The following AP2A2 variants were observed in gnomAD, a reference collection of about 807,000 sequenced individuals.
AP2A2 encodes adaptor related protein complex 2 subunit alpha 2.
A neutral mutation model predicts 104.2 loss-of-function variants in AP2A2; 32 were observed. That is an observed-to-expected ratio of 0.31 (90% CI 0.23 to 0.41). AP2A2 has a LOEUF of 0.41. Ranked by LOEUF, AP2A2 falls within the 10% of genes least tolerant of loss-of-function variation. The probability of loss-of-function intolerance (pLI) is 1.00; values close to 1 mark genes in which losing one functional copy is unlikely to be tolerated. For missense variants in AP2A2, 912 were observed against 1,261.0 expected (o/e 0.72, Z 4.19); for synonymous variants, 539 against 533.3 (o/e 1.01, Z -0.15).
intron 10 of AP2A2, among the ~76,000 whole-genome samples, chr11:989,614 G>A (rs1855580142): frequency 6.6e-6 from 1 of 152,222 alleles, no homozygotes; most frequent in African/African-American, 2.4e-5. Flanking sequence ...TATTCACAAA[G>A]TAGGTGTGCA....
intron 3 of AP2A2, among the ~76,000 whole-genome samples, chr11:971,329 GC>G (rs1854820204): frequency 6.6e-6 from 1 of 152,230 alleles, no homozygotes; most frequent in Admixed American, 6.5e-5. Context: ...AGCAGGGAGA[GC>G]AGAGCAGGTG....
chr11:998,246 G>C (rs1855918666), intron 14 of AP2A2, among the ~76,000 whole-genome samples: 1 of 152,184 alleles, frequency 6.6e-6, no homozygotes, highest in African/African-American at 2.4e-5. Flanking sequence ...TTCTCTTGCA[G>C]AGGTGCTCCG....
chr11:925,913 T>A lies in AP2A2; in HGVS notation c.-109T>A. On this transcript the variant is annotated 5_prime_UTR_variant, in exon 1 of 22. Coordinates refer to ENST00000448903, the MANE Select transcript of AP2A2 (RefSeq NM_012305.4). ...CCTGAGGCGGCCGTGGTTAGGCGGC[T>A]CCCCGGCGGCTCCTCCGCGGCGGTG... 1.2e-6 allele frequency: 1 copy of A among 828,880 alleles called. No homozygotes were observed. The highest frequency in any genetic ancestry group is 1.7e-6 in the Non-Finnish European group (1 of 603,912). The allele number at this position is 828,880 out of a possible 1,614,324, so 51.3% of individuals were successfully genotyped here.
intron 5 of AP2A2, among the ~76,000 whole-genome samples, chr11:979,143 G>A (rs897210151): frequency 1.3e-5 from 2 of 151,370 alleles, no homozygotes; most frequent in African/African-American, 4.9e-5. Context: ...TGTGCCCCTC[G>A]AGAGGCCTCT....
chr11:992,880 C>G lies in AP2A2; in HGVS notation c.1452+195C>G, dbSNP rs558969762. 6.6e-6 allele frequency among the ~76,000 whole-genome samples: 1 copy of G among 152,186 alleles called. No homozygotes were observed. Among genetic ancestry groups the G allele is most frequent in the Non-Finnish European group, 1.5e-5 (1 of 68,032 alleles). Reference sequence around the variant, plus strand: ...GAGTCCCAGTTTCTTCTCACCCTAACTCTCAAACTTCTGGCTCTCTGGGGG... The same window carrying G: ...GAGTCCCAGTTTCTTCTCACCCTAAGTCTCAAACTTCTGGCTCTCTGGGGG... On this transcript the variant is annotated intron_variant, in intron 11 of 21. Coordinates refer to ENST00000448903, the MANE Select transcript of AP2A2 (RefSeq NM_012305.4). This position sits in a 1 kb window ranked among gnomAD's most constrained non-coding sequence, Gnocchi z 6.4.
intron 14 of AP2A2, among the ~76,000 whole-genome samples, chr11:997,742 T>C (rs1228432044): frequency 6.6e-6 from 1 of 152,008 alleles, no homozygotes; most frequent in African/African-American, 2.4e-5. Flanking sequence ...CCGTCTCTTC[T>C]AAAAATACAA....
chr11:972,295 G>C (rs199809338), intron 4 of AP2A2, 40 bp downstream of exon 4: 1 of 1,518,772 alleles, frequency 6.6e-7, no homozygotes. Flanking sequence ...CTGAAGATGT[G>C]CTGCTTTCAT....
chr11:962,606 GC>G (rs1175543300), intron 2 of AP2A2, among the ~76,000 whole-genome samples: 12 of 152,058 alleles, frequency 7.9e-5, no homozygotes, highest in Non-Finnish European at 1.6e-4. Flanking sequence ...GGAGGCGCGT[GC>G]CTATAGTCCC....
At chr11:961,593 T>G (rs1279572124) in intron 2 of AP2A2, among the ~76,000 whole-genome samples, 1 of 105,370 alleles carries the variant, frequency 9.5e-6, no homozygotes, top group Non-Finnish European at 1.9e-5. Context: ...CAGTGAAAAG[T>G]AAAGGGCAGA....
intron 1 of AP2A2, among the ~76,000 whole-genome samples, chr11:926,345 C>T (rs1168492587): frequency 9.8e-5 from 3 of 30,764 alleles, no homozygotes; most frequent in Non-Finnish European, 1.8e-4. Flanking sequence ...TATGGGGGTG[C>T]GGGTCAGGAT....
chr11:961,629 GAGT>G (rs1229871712), intron 2 of AP2A2, among the ~76,000 whole-genome samples: 6 of 96,828 alleles, frequency 6.2e-5, no homozygotes, highest in African/African-American at 7.3e-5. Context: ...GGGTCTGACA[GAGT>G]TGCCACCAGT....
In AP2A2 at chr11:925,948, G is replaced by T. The variant is rs1853103503; in HGVS notation, c.-74G>T. On this transcript the variant is annotated 5_prime_UTR_variant, in exon 1 of 22. Coordinates refer to ENST00000448903, the MANE Select transcript of AP2A2 (RefSeq NM_012305.4). Reference sequence around the variant, plus strand: ...CTCCTCCGCGGCGGTGACGGCGACCGCACTCCCCGCTTCCCGCTCCCCGCG... The same window carrying T: ...CTCCTCCGCGGCGGTGACGGCGACCTCACTCCCCGCTTCCCGCTCCCCGCG... The T allele has an allele frequency of 8.5e-6, 10 of 1,178,932 alleles. No individual in the cohort carries two copies. Among genetic ancestry groups the T allele is most frequent in the Non-Finnish European group, 1.1e-6 (1 of 897,022 alleles). The allele number at this position is 1,178,932 out of a possible 1,614,324, so 73.0% of individuals were successfully genotyped here. A position where few individuals can be genotyped will look rare whatever the true frequency, so the allele number is the denominator to read the frequency against.
Position 1,009,761 on chromosome 11 carries a change from A to G in AP2A2, c.2686A>G (p.Thr896Ala), listed in dbSNP as rs1856358571. 1 of 1,552,146 alleles carries G rather than the reference A, an allele frequency of 6.4e-7. No homozygotes were observed. Among genetic ancestry groups the G allele is most frequent in the Non-Finnish European group, 8.7e-7 (1 of 1,147,196 alleles). The change falls in exon 21 of 22, where the codon ACG becomes GCG. Residue 896 changes from threonine (T) to alanine (A), a missense_variant. This residue lies in a region of AP2A2 where 239 missense variants were observed against 329.8 expected (regional missense o/e 0.72). Coordinates refer to ENST00000448903, the MANE Select transcript of AP2A2 (RefSeq NM_012305.4). ...TTTCGTGGGAGCTGGAATCATCCAC[A>G]CGAAAACCACCCAGATTGGATGCCT... ...ANFVGAGIIH[T>A]KTTQIGCLLR...
At chr11:1,010,468 G>C in intron 21 of AP2A2, 80 bp from the exon 22 acceptor site, 1 of 1,194,524 alleles carries the variant, frequency 8.4e-7, no homozygotes, top group East Asian at 2.6e-5. Context: ...TGGCCCACAG[G>C]GTTCTGCATG....
rs1205276568 is a variant in AP2A2, at chr11:968,715, C to T, written c.137-1454C>T. Among the ~76,000 whole-genome samples, 1 of 151,600 alleles carries T rather than the reference C, an allele frequency of 6.6e-6. No homozygotes were observed. Among genetic ancestry groups the T allele is most frequent in the African/African-American group, 2.4e-5 (1 of 41,196 alleles). ...CCCGTGCTCAGCTGTGTGTGCCCTC[C>T]TGCACAAACAGGGCACGGAGAACGT... On this transcript the variant is annotated intron_variant, in intron 2 of 21. Coordinates refer to ENST00000448903, the MANE Select transcript of AP2A2 (RefSeq NM_012305.4). The surrounding 1 kb of genome is among the most constrained non-coding windows in gnomAD (Gnocchi z 4.2).
chr11:963,090 T>G (rs944518494), intron 2 of AP2A2, among the ~76,000 whole-genome samples: 4 of 152,138 alleles, frequency 2.6e-5, no homozygotes, highest in Non-Finnish European at 4.4e-5. Context: ...TAATAATATA[T>G]TTTATTTAGT....
rs1190223853 is a variant in AP2A2 at position 993,713 on chromosome 11, G to A, written c.1551-41G>A. 6.7e-7 allele frequency: 1 copy of A among 1,492,522 alleles called. No homozygotes were observed. Among genetic ancestry groups the A allele is most frequent in the Non-Finnish European group, 9.1e-7 (1 of 1,103,192 alleles). 92.5% of individuals were successfully genotyped at this position (1,492,522 alleles called of 1,614,324 possible). On this transcript the variant is annotated intron_variant, in intron 12 of 21. Transcript: ENST00000448903. This position sits in a 1 kb window ranked among gnomAD's most constrained non-coding sequence, Gnocchi z 8.2. ...CGCGGGGGCGTGCTGCAGCCTGCGAGGGGACGACGGTGTCCCTGTGTTGTG... is the reference window on the plus strand; with the variant it reads ...CGCGGGGGCGTGCTGCAGCCTGCGAAGGGACGACGGTGTCCCTGTGTTGTG...
chr11:927,490 T>C (rs779704058), intron 1 of AP2A2, among the ~76,000 whole-genome samples: 8 of 149,254 alleles, frequency 5.4e-5, no homozygotes, highest in Non-Finnish European at 1.2e-4. Context: ...GAGGACCATC[T>C]AACCCTTCCT....
intron 1 of AP2A2, among the ~76,000 whole-genome samples, chr11:936,075 T>TA (rs1040668508): frequency 1.2e-4 from 18 of 150,276 alleles, no homozygotes; most frequent in South Asian, 2.1e-4. Flanking sequence ...CTAATTTTTT[T>TA]TTTTTTTATT....
Sources: allele counts gnomAD v4.1 joint callset (sites outside exome capture counted in the v4.1 genomes callset), GRCh38; gene constraint gnomAD v4.1.1; regional missense constraint gnomAD v4.1.1; non-coding constraint Gnocchi (gnomAD v3.1); transcripts MANE v1.5; gene names NCBI Gene and HGNC (gene_info 2026-07-23, HGNC 2026-07-21).